Variants in ZNF423 observed in about 807,000 individuals in gnomAD.
ZNF423 encodes the protein Ebf-associated zinc finger protein.
A neutral mutation model predicts 95.8 loss-of-function variants in ZNF423; 12 were observed. That is an observed-to-expected ratio of 0.13 (90% CI 0.08 to 0.20). ZNF423 has a LOEUF of 0.20. Ranked by LOEUF, ZNF423 falls within the 10% of genes least tolerant of loss-of-function variation. The pLI is 1.00. For missense variants in ZNF423, 1,316 were observed against 1,737.1 expected, an observed-to-expected ratio of 0.76 and a Z score of 4.31; for synonymous variants, 749 against 711.9, an observed-to-expected ratio of 1.05 and a Z score of -0.83.
intron 2 of ZNF423, among the ~76,000 whole-genome samples, chr16:49,745,849 G>C (rs2033511408): frequency 6.6e-6 from 1 of 152,160 alleles, no homozygotes; most frequent in African/African-American, 2.4e-5. Context: ...TGCATCAAAG[G>C]CAGGAAAGGA....
intron 1 of ZNF423, 89 bp from the exon 2 acceptor site, chr16:49,789,635 G>T (rs570321638): frequency 6.9e-6 from 9 of 1,310,572 alleles, no homozygotes; most frequent in Non-Finnish European, 9.4e-6. Flanking sequence ...AGGAACATTT[G>T]TGGGGGTCCT....
intron 5 of ZNF423, among the ~76,000 whole-genome samples, chr16:49,615,566 G>A (rs1278926103): frequency 6.6e-6 from 1 of 152,146 alleles, no homozygotes; most frequent in South Asian, 2.1e-4. Flanking sequence ...CATGGTGGGG[G>A]CAGAGGGCAG....
intron 3 of ZNF423, among the ~76,000 whole-genome samples, chr16:49,642,551 T>G (rs1973009807): frequency 6.6e-6 from 1 of 152,218 alleles, no homozygotes; most frequent in South Asian, 2.1e-4. Context: ...ATAAGGCTCC[T>G]TAAACTGAAA....
At chr16:49,780,066 C>T (rs1350075654) in intron 2 of ZNF423, among the ~76,000 whole-genome samples, 3 of 152,238 alleles carry the variant, frequency 2.0e-5, no homozygotes, top group Non-Finnish European at 4.4e-5. Flanking sequence ...ACAAGCCTAG[C>T]TCCGTGGAAG....
chr16:49,818,623 C>T (rs879685961), intron 1 of ZNF423, among the ~76,000 whole-genome samples: 2 of 151,714 alleles, frequency 1.3e-5, no homozygotes, highest in Non-Finnish European at 2.9e-5. Flanking sequence ...CAGTGGCTCT[C>T]ACCTGTAATC....
intron 4 of ZNF423, among the ~76,000 whole-genome samples, chr16:49,629,973 C>A (rs1406871493): frequency 6.6e-6 from 1 of 152,210 alleles, no homozygotes; most frequent in Non-Finnish European, 1.5e-5. Context: ...GAAGCTGAAG[C>A]TGGATGCGTC....
intron 3 of ZNF423, among the ~76,000 whole-genome samples, chr16:49,698,059 A>C (rs1243205185): frequency 6.6e-6 from 1 of 152,168 alleles, no homozygotes; most frequent in South Asian, 2.1e-4. Context: ...CTGCCCAGCC[A>C]GGAGATGGAG....
At chr16:49,658,317 G>T (rs2030000831) in intron 3 of ZNF423, among the ~76,000 whole-genome samples, 2 of 152,240 alleles carry the variant, frequency 1.3e-5, no homozygotes, top group Non-Finnish European at 2.9e-5. Context: ...GAAGAGGTGG[G>T]CTGGGCGCTG....
At chr16:49,552,243 C>T (rs984993268) in intron 5 of ZNF423, among the ~76,000 whole-genome samples, 1 of 152,216 alleles carries the variant, frequency 6.6e-6, no homozygotes, top group African/African-American at 2.4e-5. Context: ...GGTACCAGCT[C>T]CCTCTGCCAC....
rs1972908213 is a variant in ZNF423 at position 49,639,808 on chromosome 16, C to T, written c.302-934G>A. Reference sequence around the variant, plus strand: ...CTCCCTGGGGACAGCCCCCACAACCCCCCTCGTTTGCTGGCCCGGCTAGCC... The same window carrying T: ...CTCCCTGGGGACAGCCCCCACAACCTCCCTCGTTTGCTGGCCCGGCTAGCC... On this transcript the variant is annotated intron_variant, in intron 3 of 7. Transcript: ENST00000563137. Among the ~76,000 whole-genome samples, 4 of 152,312 alleles carry T rather than the reference C, an allele frequency of 2.6e-5. No individual in the cohort carries two copies. The South Asian group carries it at 8.3e-4, about 32-fold the overall frequency.
chr16:49,696,947 G>A (rs2031997921), intron 3 of ZNF423, among the ~76,000 whole-genome samples: 1 of 152,188 alleles, frequency 6.6e-6, no homozygotes, highest in Admixed American at 6.5e-5. Flanking sequence ...CACCAGGGGG[G>A]CCTCCTTTCC....
intron 3 of ZNF423, among the ~76,000 whole-genome samples, chr16:49,699,176 A>T (rs2032083372): frequency 6.6e-6 from 1 of 152,194 alleles, no homozygotes; most frequent in Non-Finnish European, 1.5e-5. Flanking sequence ...CACCCAGGGG[A>T]GCTGGGCGAG....
At chr16:49,850,037 T>C (rs1012907104) in intron 1 of ZNF423, among the ~76,000 whole-genome samples, 1 of 152,224 alleles carries the variant, frequency 6.6e-6, no homozygotes, top group Admixed American at 6.5e-5. Flanking sequence ...TGCAAGAAGA[T>C]AGGTAAAACA....
intron 7 of ZNF423, among the ~76,000 whole-genome samples, chr16:49,507,443 T>A (rs1040205712): frequency 3.9e-5 from 6 of 152,008 alleles, no homozygotes; most frequent in Non-Finnish European, 8.8e-5. Flanking sequence ...CAATACCACA[T>A]TTTTGATGTG....
chr16:49,820,777 A>G (rs1055651143), intron 1 of ZNF423, among the ~76,000 whole-genome samples: 1 of 152,352 alleles, frequency 6.6e-6, no homozygotes, highest in Middle Eastern at 3.4e-3. Context: ...ATGTATTAAG[A>G]TTCCCCTTAG....
At chr16:49,634,440 C>T (rs1164096390) in intron 4 of ZNF423, among the ~76,000 whole-genome samples, 1 of 152,126 alleles carries the variant, frequency 6.6e-6, no homozygotes, top group Admixed American at 6.5e-5. Context: ...CTGTGTGTAA[C>T]ACCAGAAGTC....
At chr16:49,699,079 A>T (rs993657418) in intron 3 of ZNF423, among the ~76,000 whole-genome samples, 3 of 152,242 alleles carry the variant, frequency 2.0e-5, no homozygotes, top group Non-Finnish European at 4.4e-5. Context: ...TTTAGTATCC[A>T]GCCGAAAACA....
intron 7 of ZNF423, among the ~76,000 whole-genome samples, chr16:49,515,616 G>C (rs932185842): frequency 2.6e-5 from 4 of 152,204 alleles, no homozygotes; most frequent in Admixed American, 2.6e-4. Context: ...GCTCAGAACA[G>C]AGCCTGGCCC....
chr16:49,715,742 C>A (rs373100779), intron 3 of ZNF423, among the ~76,000 whole-genome samples: 15 of 151,026 alleles, frequency 9.9e-5, no homozygotes, highest in East Asian at 4.0e-4. Context: ...GAGACCCTGT[C>A]TCCCAACAAC....
Sources: gnomAD v4.1 joint callset for allele counts (sites outside exome capture counted in the v4.1 genomes callset) on GRCh38, gnomAD v4.1.1 for gene constraint, MANE v1.5 for transcripts, NCBI Gene and HGNC (gene_info 2026-07-23, HGNC 2026-07-21) for gene names.